The following PIP5K1C variants were observed in gnomAD, a reference collection of about 807,000 sequenced individuals.
PIP5K1C encodes phosphatidylinositol 4-phosphate 5-kinase type-1 gamma.
A neutral mutation model predicts 80.1 loss-of-function variants in PIP5K1C; 45 were observed. The ratio of observed to expected loss-of-function variants is 0.56; its 90% CI spans 0.44 to 0.72. PIP5K1C has a LOEUF of 0.72. PIP5K1C is among the 30% of genes least tolerant of loss of function. The pLI is 0.00. For synonymous variants in PIP5K1C, 498 were observed against 420.1 expected (o/e 1.19, Z -2.27); for missense variants, 753 against 954.6 (o/e 0.79, Z 2.78).
At chr19:3,670,963 C>G (rs562295302) in intron 1 of PIP5K1C, among the ~76,000 whole-genome samples, 3 of 152,242 alleles carry the variant, frequency 2.0e-5, no homozygotes, top group Non-Finnish European at 4.4e-5. Context: ...TGCTCTGGGC[C>G]GCGGCGGGGC....
At position 3,644,230 on chromosome 19, in the gene PIP5K1C, T is replaced by C. The variant is rs1568317090; in HGVS notation, c.1367A>G (p.Lys456Arg). 6.2e-7 allele frequency: 1 copy of C among 1,612,386 alleles called. No homozygotes were observed. Among genetic ancestry groups the C allele is most frequent in the Non-Finnish European group, 8.5e-7 (1 of 1,179,836 alleles). ...TAGCAAGGCTCCGCCGCGCCCCTTC[T>C]TGGAGGGCGAGGACTTCAGGGCTGC... is the stretch of plus-strand genomic sequence containing the variant. ...KNSSLKSSPS[K>R]KGRGGALLAV... The change falls in exon 12 of 18, where the codon AAG (lysine) becomes AGG (arginine). Residue 456 changes from lysine (K) to arginine (R), a missense_variant. Lys to Arg is a conservative substitution (Grantham distance 26). Coordinates refer to ENST00000335312, the MANE Select transcript of PIP5K1C (RefSeq NM_012398.3).
chr19:3,690,757 C>T (rs764776660), intron 1 of PIP5K1C, among the ~76,000 whole-genome samples: 7 of 152,092 alleles, frequency 4.6e-5, no homozygotes, highest in South Asian at 2.1e-4. Flanking sequence ...AGAGCTCCTA[C>T]GAATCAACAA....
In PIP5K1C at chr19:3,636,039, C is replaced by A. The variant is rs986937663; in HGVS notation, c.1921-2519G>T. Among the ~76,000 whole-genome samples, 196 of 152,158 alleles carry A rather than the reference C, an allele frequency of 1.3e-3. 1 individual carries two copies. The highest frequency in any genetic ancestry group is 4.6e-3 in the African/African-American group (192 of 41,518). ...AGGCATGGTGGCAGGCGCCTGTAAT[C>A]TCAGCTACTCAGGAGGCTGAGGCAG... is the stretch of plus-strand genomic sequence containing the variant. On this transcript the variant is annotated intron_variant, in intron 16 of 17. Coordinates refer to ENST00000335312, the MANE Select transcript of PIP5K1C (RefSeq NM_012398.3).
rs544608440 is a variant in PIP5K1C at position 3,651,758 on chromosome 19, G to A, written c.1127+68C>T. On this transcript the variant is annotated intron_variant, in intron 8 of 17. Transcript: ENST00000335312. The stretch of plus-strand genomic sequence containing the variant: ...CCCTGCCTGTTTTCACACTTGGGAC[G>A]GGGATGGGGAACTGGAGCCTGTGGG... The A allele has an allele frequency of 1.2e-4, 169 of 1,462,902 alleles. 2 individuals carry two copies. The African/African-American group carries it at 2.0e-3, about 17-fold the overall frequency. 90.6% of individuals were successfully genotyped at this position (1,462,902 alleles called of 1,614,324 possible).
rs754583037 is a variant in PIP5K1C, at chr19:3,633,531, G to A, written c.1921-11C>T. On this transcript the variant is annotated splice_polypyrimidine_tract_variant and intron_variant, in intron 16 of 17. Transcript: ENST00000335312. ...CCTCTCATCGGTGGGCTGGCAGGTG[G>A]GCGCGCGTGCAGGAGGGCGCGGAAG... 2.3e-5 allele frequency: 34 copies of A among 1,489,412 alleles called. No homozygotes were observed. The highest frequency in any genetic ancestry group is 2.9e-5 in the Non-Finnish European group (32 of 1,114,840). The allele number at this position is 1,489,412 out of a possible 1,614,324, so 92.3% of individuals were successfully genotyped here. A position where few individuals can be genotyped will look rare whatever the true frequency, so the allele number is the denominator to read the frequency against.
chr19:3,651,763 T>G, intron 8 of PIP5K1C, 63 bp downstream of exon 8: 1 of 1,488,814 alleles, frequency 6.7e-7, no homozygotes, highest in East Asian at 2.3e-5. Context: ...GGGACGGGGA[T>G]GGGGAACTGG....
chr19:3,641,792 G>A lies in PIP5K1C; in HGVS notation c.1700C>T (p.Pro567Leu). 1 of 1,611,958 alleles carries A rather than the reference G, an allele frequency of 6.2e-7. No homozygotes were observed. ...GQDGRPQEEP[P>L]AEEDLQQITV... Reference sequence around the variant, plus strand: ...AATCTGCTGCAGATCCTCTTCCGCGGGTGGCTCCTCCTGCGGCCTGCAGGC... The same window carrying A: ...AATCTGCTGCAGATCCTCTTCCGCGAGTGGCTCCTCCTGCGGCCTGCAGGC... Residue 567 changes from proline to leucine, a missense_variant, in exon 15 of 18, where the codon CCC becomes CTC. By Grantham distance (98) the Pro-to-Leu change is moderately conservative. Coordinates refer to ENST00000335312, the MANE Select transcript of PIP5K1C (RefSeq NM_012398.3).
At chr19:3,697,972 A>C (rs1039855201) in intron 1 of PIP5K1C, among the ~76,000 whole-genome samples, 1 of 152,190 alleles carries the variant, frequency 6.6e-6, no homozygotes, top group South Asian at 2.1e-4. Flanking sequence ...CTAAACACCA[A>C]CGAGACATTG....
Position 3,673,365 on chromosome 19 carries a change from G to A in PIP5K1C, c.95-6012C>T, listed in dbSNP as rs188215375. On this transcript the variant is annotated intron_variant, in intron 1 of 17. Coordinates refer to ENST00000335312, the MANE Select transcript of PIP5K1C (RefSeq NM_012398.3). ...ATCCCCTCCTCACTGCCCGGCACACGGCACCACCTGATACATGGCTGTTGT... is the reference window on the plus strand; with the variant it reads ...ATCCCCTCCTCACTGCCCGGCACACAGCACCACCTGATACATGGCTGTTGT... Among the ~76,000 whole-genome samples the A allele has an allele frequency of 1.6e-4, 25 of 152,258 alleles. 1 individual carries two copies. In the East Asian group the frequency reaches 4.1e-3, roughly 25 times the overall value.
rs1303600683 is a variant in PIP5K1C at position 3,692,930 on chromosome 19, C to T, written c.94+7367G>A. Among the ~76,000 whole-genome samples, 1 of 151,998 alleles carries T rather than the reference C, an allele frequency of 6.6e-6. No individual in the cohort carries two copies. The highest frequency in any genetic ancestry group is 1.5e-5 in the Non-Finnish European group (1 of 67,994). ...GACAGCTCCCTCCACACTTCCACAACCCCCTCACTTCCCCTGGATCTCTGT... is the reference window on the plus strand; with the variant it reads ...GACAGCTCCCTCCACACTTCCACAATCCCCTCACTTCCCCTGGATCTCTGT... On this transcript the variant is annotated intron_variant, in intron 1 of 17. Transcript: ENST00000335312. This position sits in a 1 kb window ranked among gnomAD's most constrained non-coding sequence, Gnocchi z 5.2.
intron 1 of PIP5K1C, among the ~76,000 whole-genome samples, chr19:3,683,634 T>C (rs1489728978): frequency 6.6e-6 from 1 of 152,052 alleles, no homozygotes; most frequent in African/African-American, 2.4e-5. Context: ...GCAGCAAAAA[T>C]GTAGGGGTGG....
chr19:3,667,503 T>G (rs1329387738), intron 1 of PIP5K1C, 150 bp from the exon 2 acceptor site: 3 of 858,130 alleles, frequency 3.5e-6, no homozygotes, highest in Non-Finnish European at 5.9e-6. Context: ...AGTGAAGACA[T>G]GGACTGAGTG....
intron 1 of PIP5K1C, among the ~76,000 whole-genome samples, chr19:3,670,805 G>A (rs887910769): frequency 1.3e-5 from 2 of 152,212 alleles, no homozygotes. Flanking sequence ...GACCCATGGT[G>A]CTCACTGCAG....
chr19:3,653,987 TACACACAC>T (rs903150525), intron 6 of PIP5K1C, among the ~76,000 whole-genome samples: 1 of 152,076 alleles, frequency 6.6e-6, no homozygotes, highest in Non-Finnish European at 1.5e-5. Flanking sequence ...CACAAACACA[TACACACAC>T]ACGCACACAC....
chr19:3,669,425 G>A (rs2035127108), intron 1 of PIP5K1C, among the ~76,000 whole-genome samples: 1 of 152,238 alleles, frequency 6.6e-6, no homozygotes, highest in South Asian at 2.1e-4. Flanking sequence ...AGGTGAGGAG[G>A]TGGGTGCGGA....
chr19:3,657,732 CCTGG>C (rs2034685126), intron 5 of PIP5K1C, among the ~76,000 whole-genome samples: 1 of 151,000 alleles, frequency 6.6e-6, no homozygotes, highest in Non-Finnish European at 1.5e-5. Context: ...TCAAGACCAG[CCTGG>C]GCAACAGAGC....
At chr19:3,672,048 C>T (rs527490509) in intron 1 of PIP5K1C, among the ~76,000 whole-genome samples, 1 of 152,326 alleles carries the variant, frequency 6.6e-6, no homozygotes, top group South Asian at 2.1e-4. Context: ...TCTCTCCTGG[C>T]CCCATCACAG....
chr19:3,677,792 T>G (rs1483038254), intron 1 of PIP5K1C, among the ~76,000 whole-genome samples: 5 of 16,386 alleles, frequency 3.1e-4, no homozygotes, highest in Admixed American at 5.8e-4. Flanking sequence ...GAGGGAGGGA[T>G]GCAGGGAGGG....
Position 3,653,330 on chromosome 19 carries a change from G to C in PIP5K1C, c.881C>G (p.Thr294Ser). 1 of 1,610,962 alleles carries C rather than the reference G, an allele frequency of 6.2e-7. No individual in the cohort carries two copies. The highest frequency in any genetic ancestry group is 8.5e-7 in the Non-Finnish European group (1 of 1,179,998). ...CAGCGTCTTGACCAGGGCGCTGAAGGTGTCGGCGTCCAGCAGGAGCCCCTC... is the reference window on the plus strand; with the variant it reads ...CAGCGTCTTGACCAGGGCGCTGAAGCTGTCGGCGTCCAGCAGGAGCCCCTC... ...MPEGLLLDAD[T>S]FSALVKTLQR... The change falls in exon 7 of 18, where the codon ACC becomes AGC. Residue 294 changes from threonine (T) to serine (S), a missense_variant. By Grantham distance (58) the Thr-to-Ser change is moderately conservative. Around this residue, in one of 6 missense-constraint regions of PIP5K1C, gnomAD observed 105 missense variants for 133.4 expected, o/e 0.79. Transcript: ENST00000335312.
Sources: gnomAD v4.1 joint callset for allele counts (sites outside exome capture counted in the v4.1 genomes callset) on GRCh38, gnomAD v4.1.1 for gene constraint, gnomAD v4.1.1 regional missense constraint, Gnocchi (gnomAD v3.1) non-coding constraint, MANE v1.5 for transcripts, NCBI Gene and HGNC (gene_info 2026-07-23, HGNC 2026-07-21) for gene names.